The following SLC14A2 variants were observed in gnomAD, a reference collection of about 807,000 sequenced individuals.
SLC14A2 encodes solute carrier family 14 member 2, also known as urea transporter 2.
In SLC14A2, 91 loss-of-function variants were observed where a neutral mutation model predicts 104.6. The ratio of observed to expected loss-of-function variants is 0.87; its 90% CI spans 0.73 to 1.04. The LOEUF (loss-of-function observed/expected upper bound fraction) is 1.04. Ranked by LOEUF, SLC14A2 falls within the 50% of genes least tolerant of loss-of-function variation. The pLI is 0.00. For synonymous variants in SLC14A2, 476 were observed against 466.4 expected (o/e 1.02, Z -0.27); for missense variants, 1,189 against 1,156.0 (o/e 1.03, Z -0.41).
At chr18:45,406,593 A>G (rs1323925550) in intron 1 of SLC14A2, among the ~76,000 whole-genome samples, 1 of 152,192 alleles carries the variant, frequency 6.6e-6, no homozygotes, top group African/African-American at 2.4e-5. Context: ...CAACAGAGGA[A>G]TCACTATCTG....
the SLC14A2 span, among the ~76,000 whole-genome samples, chr18:45,181,973 A>G: frequency 6.6e-6 from 1 of 152,154 alleles, no homozygotes; most frequent in Non-Finnish European, 1.5e-5. Flanking sequence ...ACTGGTTAAA[A>G]AGTTCCTAAA....
intron 2 of SLC14A2, among the ~76,000 whole-genome samples, chr18:45,544,715 AG>A (rs1316877506): frequency 6.6e-6 from 1 of 151,006 alleles, no homozygotes; most frequent in East Asian, 1.9e-4. Context: ...GATTTTTACT[AG>A]TTACCTTTTT....
At chr18:45,600,643 T>G (rs749673707) in intron 2 of SLC14A2, among the ~76,000 whole-genome samples, 63 of 151,844 alleles carry the variant, frequency 4.1e-4, no homozygotes, top group Admixed American at 7.2e-4. Context: ...TAGGGGGCAA[T>G]GAGGAAGAGG....
At chr18:45,474,576 G>A (rs879499389) in intron 1 of SLC14A2, among the ~76,000 whole-genome samples, 1 of 152,016 alleles carries the variant, frequency 6.6e-6, no homozygotes. Context: ...GTCTATTCAG[G>A]GATTCAACTT....
rs148596135 is a variant in SLC14A2, at chr18:45,643,604, C to T, written c.1177-382C>T. Among the ~76,000 whole-genome samples the T allele has an allele frequency of 5.7e-3, 872 of 152,298 alleles. 7 individuals are homozygous for T. The highest frequency in any genetic ancestry group is 0.011 in the Admixed American group (175 of 15,300). On this transcript the variant is annotated intron_variant, in intron 9 of 19. Coordinates refer to ENST00000255226, the MANE Select transcript of SLC14A2 (RefSeq NM_007163.4). ...CTGGAATGCAGTAGTGCAATCTTGG[C>T]TCACTGCAGCTCCAACCTCCCAGGA...
intron 1 of SLC14A2, among the ~76,000 whole-genome samples, chr18:45,386,882 C>T (rs973653481): frequency 1.3e-5 from 2 of 152,212 alleles, no homozygotes; most frequent in Admixed American, 6.5e-5. Flanking sequence ...CCACTTAGCA[C>T]ATAACCAGGC....
At chr18:45,488,989 A>G (rs1056603583) in intron 2 of SLC14A2, among the ~76,000 whole-genome samples, 1 of 152,198 alleles carries the variant, frequency 6.6e-6, no homozygotes, top group Non-Finnish European at 1.5e-5. Context: ...AGGACATATT[A>G]TTTTTGAAAA....
Position 45,627,125 on chromosome 18 carries a change from G to A in SLC14A2, c.499G>A (p.Ala167Thr). The A allele has an allele frequency of 1.2e-6, 2 of 1,614,176 alleles. No individual in the cohort carries two copies. The highest frequency in any genetic ancestry group is 1.7e-6 in the Non-Finnish European group (2 of 1,180,008). The change falls in exon 4 of 20, where the codon GCT becomes ACT. Residue 167 changes from alanine to threonine, a missense_variant. Coordinates refer to ENST00000255226, the MANE Select transcript of SLC14A2 (RefSeq NM_007163.4). ...GLGTVVSTLT[A>T]LALGQDRSAI... ...GGGGACAGTGGTCTCGACCTTAACA[G>A]CTCTCGCCTTGGGCCAAGACAGGTG...
intron 1 of SLC14A2, among the ~76,000 whole-genome samples, chr18:45,278,405 C>G (rs2084726001): frequency 6.6e-6 from 1 of 152,198 alleles, no homozygotes; most frequent in South Asian, 2.1e-4. Context: ...CACCGGTTGT[C>G]AAATATCCCC....
At chr18:45,459,660 A>C (rs1437911381) in intron 1 of SLC14A2, among the ~76,000 whole-genome samples, 1 of 152,190 alleles carries the variant, frequency 6.6e-6, no homozygotes, top group Admixed American at 6.5e-5. Context: ...CTGCTCAGAA[A>C]GCACACACAG....
chr18:45,316,447 G>C (rs747652496), intron 1 of SLC14A2, among the ~76,000 whole-genome samples: 1 of 152,186 alleles, frequency 6.6e-6, no homozygotes, highest in African/African-American at 2.4e-5. Context: ...AAGGCACATA[G>C]CCATTTGTTT....
At chr18:45,602,673 T>C (rs1197614839) in intron 2 of SLC14A2, among the ~76,000 whole-genome samples, 3 of 152,236 alleles carry the variant, frequency 2.0e-5, no homozygotes, top group Non-Finnish European at 2.9e-5. Flanking sequence ...GATCAGAAGA[T>C]ACAAAATTTC....
chr18:45,642,279 C>T (rs1332892656), intron 8 of SLC14A2, among the ~76,000 whole-genome samples: 1 of 152,210 alleles, frequency 6.6e-6, no homozygotes, highest in Non-Finnish European at 1.5e-5. Flanking sequence ...TGTATCCCCT[C>T]AGCAGCCAAC....
intron 1 of SLC14A2, among the ~76,000 whole-genome samples, chr18:45,359,208 C>T (rs2085585891): frequency 6.6e-6 from 1 of 152,138 alleles, no homozygotes; most frequent in African/African-American, 2.4e-5. Context: ...TCTCTCAGGT[C>T]CCCTTTTTAT....
intron 1 of SLC14A2, among the ~76,000 whole-genome samples, chr18:45,281,372 G>T (rs984212854): frequency 6.6e-6 from 1 of 152,050 alleles, no homozygotes; most frequent in African/African-American, 2.4e-5. Context: ...CAATGACTCC[G>T]CCACACCATC....
chr18:45,619,930 G>C (rs1023491353), intron 1 of SLC14A2, among the ~76,000 whole-genome samples: 1 of 152,164 alleles, frequency 6.6e-6, no homozygotes, highest in Non-Finnish European at 1.5e-5. Flanking sequence ...AGAAGCCTAC[G>C]TTGCCCTTCG....
intron 1 of SLC14A2, among the ~76,000 whole-genome samples, chr18:45,466,962 A>T (rs116453914): frequency 2.0e-5 from 3 of 152,032 alleles, no homozygotes; most frequent in African/African-American, 7.2e-5. Flanking sequence ...TCTTTCAGGG[A>T]CATGTGTATT....
the SLC14A2 span, among the ~76,000 whole-genome samples, chr18:45,206,287 T>C: frequency 1.3e-5 from 2 of 152,116 alleles, no homozygotes; most frequent in African/African-American, 4.8e-5. Context: ...ATCCTGAAAA[T>C]CTGAAAGATC....
chr18:45,673,630 G>T, intron 17 of SLC14A2, 53 bp from the exon 18 acceptor site: 1 of 1,582,648 alleles, frequency 6.3e-7, no homozygotes, highest in Non-Finnish European at 8.7e-7. Flanking sequence ...AGGGCCAGCA[G>T]ATGGGCCCCA....
Sources: gnomAD v4.1 joint callset for allele counts (sites outside exome capture counted in the v4.1 genomes callset) on GRCh38, gnomAD v4.1.1 for gene constraint, MANE v1.5 for transcripts, NCBI Gene and HGNC (gene_info 2026-07-23, HGNC 2026-07-21) for gene names.